Variants in TCF4 observed in about 807,000 individuals in gnomAD.
TCF4 encodes transcription factor 4, also known as SL3-3 enhancer factor 2.
A neutral mutation model predicts 82.1 loss-of-function variants in TCF4; 3 were observed. The observed-to-expected ratio is 0.04, with a 90% CI of 0.02 to 0.09. The LOEUF (loss-of-function observed/expected upper bound fraction) is 0.09. Among genes scored for constraint, TCF4 ranks in the 10% least tolerant of loss-of-function variants. The pLI, the probability that TCF4 is intolerant of heterozygous loss-of-function variation, is 1.00. For missense variants in TCF4, 518 were observed against 852.7 expected, an observed-to-expected ratio of 0.61 and a Z score of 4.89; for synonymous variants, 276 against 309.6, an observed-to-expected ratio of 0.89 and a Z score of 1.14.
At chr18:55,473,360 A>G (rs1411622013) in intron 3 of TCF4, among the ~76,000 whole-genome samples, 1 of 151,800 alleles carries the variant, frequency 6.6e-6, no homozygotes, top group Non-Finnish European at 1.5e-5. Context: ...TTTTTCTTCT[A>G]TTTCCTTTTA....
intron 6 of TCF4, among the ~76,000 whole-genome samples, chr18:55,366,631 C>T (rs1057155075): frequency 2.0e-5 from 3 of 152,226 alleles, no homozygotes; most frequent in Non-Finnish European, 4.4e-5. Context: ...ACACCTAAAC[C>T]TATTTCACGA....
chr18:55,251,779 T>G (rs998689792), intron 15 of TCF4, among the ~76,000 whole-genome samples: 1 of 152,206 alleles, frequency 6.6e-6, no homozygotes, highest in African/African-American at 2.4e-5. Context: ...TGCTCTCTGC[T>G]GAAGTTTCCG....
chr18:55,492,909 A>T (rs1369391794), intron 3 of TCF4, among the ~76,000 whole-genome samples: 1 of 152,188 alleles, frequency 6.6e-6, no homozygotes, highest in Non-Finnish European at 1.5e-5. Flanking sequence ...AACTGTTAAG[A>T]GGGTAAGAGA....
intron 3 of TCF4, among the ~76,000 whole-genome samples, chr18:55,485,856 C>T (rs939801735): frequency 6.6e-6 from 1 of 152,186 alleles, no homozygotes; most frequent in Non-Finnish European, 1.5e-5. Context: ...GGATCAGCTA[C>T]CATTTGGCAA....
chr18:55,592,623 G>A (rs1022593457), upstream of TCF4, among the ~76,000 whole-genome samples: 2 of 152,130 alleles, frequency 1.3e-5, no homozygotes, highest in Non-Finnish European at 2.9e-5. Context: ...AACTTGATGG[G>A]GGTGCCACAT....
At chr18:55,417,793 A>C (rs1325655858) in intron 5 of TCF4, among the ~76,000 whole-genome samples, 2 of 152,198 alleles carry the variant, frequency 1.3e-5, no homozygotes, top group Admixed American at 6.5e-5. Flanking sequence ...AAATTGATAA[A>C]ATCACTGAAA....
intron 3 of TCF4, among the ~76,000 whole-genome samples, chr18:55,471,338 GC>G (rs1382469538): frequency 2.0e-5 from 3 of 152,168 alleles, no homozygotes; most frequent in Non-Finnish European, 4.4e-5. Flanking sequence ...TCGACAAGAA[GC>G]TTCCAGCACT....
intron 2 of TCF4, among the ~76,000 whole-genome samples, chr18:55,595,782 A>C (rs1449131828): frequency 6.6e-6 from 1 of 152,116 alleles, no homozygotes; most frequent in East Asian, 1.9e-4. Flanking sequence ...CAGCCTGACT[A>C]TTCTATTTTA....
Position 55,261,549 on chromosome 18 carries a change from G to C in TCF4, c.923-16C>G. ...CCTCTATTTGCTGCAAAAACAAAAG[G>C]CAGAATATGAAAACCAGGCAGTGAG... On this transcript the variant is annotated splice_polypyrimidine_tract_variant and intron_variant, in intron 11 of 19. Transcript: ENST00000354452. 3 of 1,613,800 alleles carry C rather than the reference G, an allele frequency of 1.9e-6. No homozygotes were observed. The highest frequency in any genetic ancestry group is 2.5e-6 in the Non-Finnish European group (3 of 1,179,784).
chr18:55,501,556 T>G (rs1208247615), intron 3 of TCF4, among the ~76,000 whole-genome samples: 1 of 152,160 alleles, frequency 6.6e-6, no homozygotes, highest in Non-Finnish European at 1.5e-5. Context: ...TTTGTTCTTT[T>G]GAGTAGCAAC....
intron 8 of TCF4, among the ~76,000 whole-genome samples, chr18:55,327,093 C>T (rs1446461724): frequency 6.6e-6 from 1 of 151,946 alleles, no homozygotes; most frequent in East Asian, 1.9e-4. Flanking sequence ...GTGTATATTC[C>T]CATATTTCTT....
intron 11 of TCF4, 126 bp downstream of exon 11, chr18:55,269,705 C>A: frequency 1.6e-6 from 2 of 1,233,054 alleles, no homozygotes; most frequent in South Asian, 2.6e-5. Context: ...TTTGTGTGTT[C>A]ATTCTGTCAT....
intron 5 of TCF4, among the ~76,000 whole-genome samples, chr18:55,413,643 G>A (rs1202916586): frequency 5.3e-5 from 8 of 152,064 alleles, no homozygotes; most frequent in African/African-American, 1.9e-4. Flanking sequence ...GAATCTAGGA[G>A]CATGACTCAA....
At chr18:55,635,366 G>T (rs918318467) in intron 1 of TCF4, among the ~76,000 whole-genome samples, 1 of 152,004 alleles carries the variant, frequency 6.6e-6, no homozygotes, top group East Asian at 1.9e-4. Context: ...GAAGTTAGCC[G>T]GGCATTGTGG....
intron 3 of TCF4, among the ~76,000 whole-genome samples, chr18:55,480,596 T>A (rs1233019663): frequency 6.6e-6 from 1 of 152,232 alleles, no homozygotes; most frequent in African/African-American, 2.4e-5. Flanking sequence ...GAAAGGTTCA[T>A]GATTAACCTA....
chr18:55,237,467 CT>C (rs538071929), intron 15 of TCF4, among the ~76,000 whole-genome samples: 30,472 of 122,384 alleles, frequency 0.25, 2,490 homozygotes, highest in Middle Eastern at 0.3. Context: ...GTTGTTCTGA[CT>C]TTTTTTTTTT....
rs368762341 is a variant in TCF4 at position 55,505,268 on chromosome 18, A to G, written c.146-41131T>C. Among the ~76,000 whole-genome samples the G allele has an allele frequency of 3.7e-4, 56 of 152,326 alleles. 1 individual carries two copies. In the South Asian group the frequency reaches 9.5e-3, roughly 26 times the overall value. On this transcript the variant is annotated intron_variant, in intron 3 of 19. Coordinates refer to ENST00000354452, the MANE Select transcript of TCF4 (RefSeq NM_001083962.2). ...GAAAATTATGGAATCCTTCTCTTCA[A>G]TAGAGCCACCTTTTTATTGTCATAT... is the stretch of plus-strand genomic sequence containing the variant.
chr18:55,279,590 G>A lies in TCF4; in HGVS notation c.616C>T (p.Pro206Ser), dbSNP rs2062121374. The change falls in exon 9 of 20, where the codon CCA (proline) becomes TCA (serine). Residue 206 changes from proline (P) to serine (S), a missense_variant. Around this residue, in one of 7 missense-constraint regions of TCF4, gnomAD observed 211 missense variants for 327.4 expected, o/e 0.64. Coordinates refer to ENST00000354452, the MANE Select transcript of TCF4 (RefSeq NM_001083962.2). ...RDSPGYPSSKPATSTFPSSFF... is the reference protein window; with the variant it reads ...RDSPGYPSSKSATSTFPSSFF... ...GAGCTAGGGAAAGTGCTGGTTGCTG[G>A]TTTGGAGGAAGGATAGCCTGGCGAG... 6 of 1,613,986 alleles carry A rather than the reference G, an allele frequency of 3.7e-6. No individual in the cohort carries two copies. The highest frequency in any genetic ancestry group is 5.1e-6 in the Non-Finnish European group (6 of 1,179,914).
intron 8 of TCF4, among the ~76,000 whole-genome samples, chr18:55,305,875 A>T (rs1433272295): frequency 6.6e-6 from 1 of 152,222 alleles, no homozygotes; most frequent in Non-Finnish European, 1.5e-5. Flanking sequence ...TGATGAAATC[A>T]ATAAGTAAAT....
Sources: allele counts gnomAD v4.1 joint callset (sites outside exome capture counted in the v4.1 genomes callset), GRCh38; gene constraint gnomAD v4.1.1; regional missense constraint gnomAD v4.1.1; transcripts MANE v1.5; gene names NCBI Gene and HGNC (gene_info 2026-07-23, HGNC 2026-07-21).